The following ADIPOR2 variants were observed in gnomAD, a reference collection of about 807,000 sequenced individuals.
The protein encoded by ADIPOR2 is adiponectin receptor protein 2.
In ADIPOR2, 18 loss-of-function variants were observed where a neutral mutation model predicts 40.9. The observed-to-expected ratio is 0.44, with a 90% CI of 0.30 to 0.65. The LOEUF (loss-of-function observed/expected upper bound fraction) is 0.65. ADIPOR2 is among the 30% of genes least tolerant of loss of function. The pLI, the probability that ADIPOR2 is intolerant of heterozygous loss-of-function variation, is 0.09. For synonymous variants in ADIPOR2, 165 were observed against 166.4 expected (o/e 0.99, Z 0.06); for missense variants, 283 against 479.2 (o/e 0.59, Z 3.82).
chr12:1,691,717 C>T (rs2094627522), intron 1 of ADIPOR2, among the ~76,000 whole-genome samples: 1 of 152,144 alleles, frequency 6.6e-6, no homozygotes, highest in Non-Finnish European at 1.5e-5. Context: ...CTGCTTGGTA[C>T]CTGGAGTCCT....
At chr12:1,739,036 C>G (rs917893873) in intron 1 of ADIPOR2, among the ~76,000 whole-genome samples, 2 of 151,970 alleles carry the variant, frequency 1.3e-5, no homozygotes, top group African/African-American at 4.8e-5. Flanking sequence ...GGGAAAATAA[C>G]TTTAAAAAAA....
chr12:1,744,499 C>G (rs2154443059), intron 1 of ADIPOR2, among the ~76,000 whole-genome samples: 1 of 152,086 alleles, frequency 6.6e-6, no homozygotes, highest in East Asian at 1.9e-4. Flanking sequence ...CCATGACCGG[C>G]TAATTTTTGT....
rs141166884 is a variant in ADIPOR2 at position 1,755,064 on chromosome 12, A to C, written c.171+550A>C. Among the ~76,000 whole-genome samples, 19 of 115,266 alleles carry C rather than the reference A, an allele frequency of 1.6e-4. 5 individuals carry two copies. The East Asian group carries it at 4.8e-3, about 29-fold the overall frequency. The allele number at this position is 115,266 out of a possible 152,430, so 75.6% of individuals were successfully genotyped here. On this transcript the variant is annotated intron_variant, in intron 2 of 7. Coordinates refer to ENST00000357103, the MANE Select transcript of ADIPOR2 (RefSeq NM_024551.3). Reference sequence around the variant, plus strand: ...TTATTTGATTTTGATTTTATGGTTAATGTCTTTCTGCTGACTCTTTTTTTT... The same window carrying C: ...TTATTTGATTTTGATTTTATGGTTACTGTCTTTCTGCTGACTCTTTTTTTT...
intron 1 of ADIPOR2, among the ~76,000 whole-genome samples, chr12:1,708,216 G>A (rs1433829922): frequency 1.3e-5 from 2 of 150,076 alleles, no homozygotes; most frequent in Non-Finnish European, 3.0e-5. Context: ...AGGGACTTGA[G>A]CATCCTCGAA....
intron 1 of ADIPOR2, among the ~76,000 whole-genome samples, chr12:1,742,148 A>G (rs528086382): frequency 2.0e-4 from 30 of 152,294 alleles, no homozygotes; most frequent in Non-Finnish European, 3.4e-4. Context: ...GCTGAAGTGC[A>G]GTGGTGCGAT....
intron 2 of ADIPOR2, among the ~76,000 whole-genome samples, chr12:1,764,302 G>T (rs1862329174): frequency 6.6e-6 from 1 of 152,108 alleles, no homozygotes; most frequent in Non-Finnish European, 1.5e-5. Flanking sequence ...AATCCAGTTA[G>T]GTATCTTTGC....
intron 1 of ADIPOR2, among the ~76,000 whole-genome samples, chr12:1,736,249 T>C (rs1437306027): frequency 6.6e-6 from 1 of 152,230 alleles, no homozygotes; most frequent in Non-Finnish European, 1.5e-5. Flanking sequence ...TGGTAAGCTA[T>C]TAATTATTGC....
At chr12:1,739,082 A>T (rs1348276741) in intron 1 of ADIPOR2, among the ~76,000 whole-genome samples, 2 of 152,248 alleles carry the variant, frequency 1.3e-5, no homozygotes, top group East Asian at 3.8e-4. Context: ...GCAGTAGTAC[A>T]GTTGGAAGAG....
At chr12:1,728,422 T>A (rs984238792) in intron 1 of ADIPOR2, among the ~76,000 whole-genome samples, 3 of 150,598 alleles carry the variant, frequency 2.0e-5, no homozygotes, top group Non-Finnish European at 3.0e-5. Context: ...TGCAGAGCTT[T>A]AAAAAAAAAT....
chr12:1,779,730 CAA>C (rs1415999467), intron 4 of ADIPOR2, among the ~76,000 whole-genome samples: 1 of 152,196 alleles, frequency 6.6e-6, no homozygotes, highest in Non-Finnish European at 1.5e-5. Context: ...AGGGTCAAAT[CAA>C]GTTTGTTGCT....
At chr12:1,722,866 T>C (rs1000338050) in intron 1 of ADIPOR2, among the ~76,000 whole-genome samples, 3 of 152,216 alleles carry the variant, frequency 2.0e-5, no homozygotes, top group Non-Finnish European at 4.4e-5. Context: ...GAACCTGTAT[T>C]TGGACTCACT....
chr12:1,727,316 C>T (rs541012076), intron 1 of ADIPOR2, among the ~76,000 whole-genome samples: 11 of 152,188 alleles, frequency 7.2e-5, no homozygotes, highest in African/African-American at 2.2e-4. Context: ...ACAGCCTTAG[C>T]AAAATTTTGA....
At chr12:1,730,494 G>A (rs1390429374) in intron 1 of ADIPOR2, among the ~76,000 whole-genome samples, 1 of 151,866 alleles carries the variant, frequency 6.6e-6, no homozygotes, top group African/African-American at 2.4e-5. Flanking sequence ...GCGGGCGCCT[G>A]TAGTCCCAGC....
intron 3 of ADIPOR2, among the ~76,000 whole-genome samples, chr12:1,777,382 CTTTTTTTTTTT>C (rs59141974): frequency 1.3e-4 from 13 of 98,744 alleles, no homozygotes; most frequent in East Asian, 3.1e-4. Context: ...TTTTTTCTTT[CTTTTTTTTTTT>C]TTTTTTTTTT....
chr12:1,700,829 A>G (rs2094648675), intron 1 of ADIPOR2, among the ~76,000 whole-genome samples: 1 of 150,348 alleles, frequency 6.7e-6, no homozygotes. Context: ...GCTAAGCATT[A>G]AGATTTCAAG....
intron 1 of ADIPOR2, among the ~76,000 whole-genome samples, chr12:1,714,310 G>C (rs534087925): frequency 6.6e-6 from 1 of 151,896 alleles, no homozygotes; most frequent in African/African-American, 2.4e-5. Flanking sequence ...TGTTCTTCTC[G>C]ATCCCTACTG....
chr12:1,754,230 C>A (rs1862064007), intron 1 of ADIPOR2, 28 bp from the exon 2 acceptor site: 3 of 1,045,354 alleles, frequency 2.9e-6, no homozygotes, highest in South Asian at 5.7e-5. Context: ...TCCTTTAATG[C>A]ATTTTTTCAA....
At position 1,786,612 on chromosome 12, in the gene ADIPOR2, G is replaced by T. The variant is rs1167419913; in HGVS notation, c.*540G>T. The stretch of plus-strand genomic sequence containing the variant: ...ATGTTTAAAACATAGGGGTAAGGGA[G>T]GGAGGGAGAATTTTTGTATAGAATG... On this transcript the variant is annotated 3_prime_UTR_variant, in exon 8 of 8. Coordinates refer to ENST00000357103, the MANE Select transcript of ADIPOR2 (RefSeq NM_024551.3). 2 of 152,984 alleles carry T rather than the reference G, an allele frequency of 1.3e-5. No homozygotes were observed. Among genetic ancestry groups the T allele is most frequent in the African/African-American group, 4.8e-5 (2 of 41,450 alleles). The allele number at this position is 152,984 out of a possible 1,614,324, so 9.5% of individuals were successfully genotyped here. A position where few individuals can be genotyped will look rare whatever the true frequency, so the allele number is the denominator to read the frequency against.
At chr12:1,714,253 T>C (rs758355842) in intron 1 of ADIPOR2, among the ~76,000 whole-genome samples, 12 of 152,256 alleles carry the variant, frequency 7.9e-5, no homozygotes, top group South Asian at 6.2e-4. Context: ...CTGAGGGCCA[T>C]GACTAAGGCT....
Sources: allele counts gnomAD v4.1 joint callset (sites outside exome capture counted in the v4.1 genomes callset), GRCh38; gene constraint gnomAD v4.1.1; transcripts MANE v1.5; gene names NCBI Gene and HGNC (gene_info 2026-07-23, HGNC 2026-07-21).